Variants in ANAPC11 observed in about 807,000 individuals in gnomAD.
The protein encoded by ANAPC11 is anaphase-promoting complex subunit 11.
In ANAPC11, 5 loss-of-function variants were observed where a neutral mutation model predicts 11.8. The ratio of observed to expected loss-of-function variants is 0.42; its 90% CI spans 0.22 to 0.89. The LOEUF is 0.89. Among genes scored for constraint, ANAPC11 ranks in the 40% least tolerant of loss-of-function variants. The pLI, the probability that ANAPC11 is intolerant of heterozygous loss-of-function variation, is 0.28. For missense variants in ANAPC11, 68 were observed against 112.9 expected (o/e 0.60, Z 1.80); for synonymous variants, 45 against 41.0 (o/e 1.10, Z -0.38).
chr17:81,891,370 C>A (rs2039525959), upstream of ANAPC11: 1 of 1,148,552 alleles, frequency 8.7e-7, no homozygotes, highest in Non-Finnish European at 1.1e-6. Flanking sequence ...CCGGCCGCGC[C>A]GCGGGCGATG....
At chr17:81,893,921 T>C (rs1193536012) in intron 2 of ANAPC11, among the ~76,000 whole-genome samples, 31 of 151,974 alleles carry the variant, frequency 2.0e-4, no homozygotes, top group Admixed American at 2.0e-3. Flanking sequence ...TGTTCTCCCG[T>C]AGCTCCCCTG....
At chr17:81,893,755 C>CAT (rs1555609756) in intron 2 of ANAPC11, 141 bp downstream of exon 2, 1 of 123,800 alleles carries the variant, frequency 8.1e-6, no homozygotes. Context: ...CTTTTTTTTC[C>CAT]TTTTTTTTTT....
At chr17:81,899,075 C>T (rs574438183) in intron 3 of ANAPC11, 10 of 733,294 alleles carry the variant, frequency 1.4e-5, no homozygotes, top group Admixed American at 2.9e-5. Flanking sequence ...AGGGTGGCCA[C>T]GAGCTCCAGC....
intron 3 of ANAPC11, 57 bp from the exon 4 acceptor site, chr17:81,899,861 TCA>T (rs2039882050): frequency 4.5e-6 from 7 of 1,539,506 alleles, no homozygotes; most frequent in African/African-American, 1.4e-5. Flanking sequence ...GCCTGGCTTG[TCA>T]CATGCTCTGT....
At chr17:81,894,917 C>T (rs186165741) in intron 3 of ANAPC11, 774 of 246,378 alleles carry the variant, frequency 3.1e-3, no homozygotes, top group Non-Finnish European at 4.7e-3. Context: ...GGGGTTTTGC[C>T]TTGTTGGCTA....
intron 3 of ANAPC11, 118 bp from the exon 4 acceptor site, chr17:81,899,802 A>C: frequency 9.1e-7 from 1 of 1,096,880 alleles, no homozygotes; most frequent in Non-Finnish European, 1.3e-6. Flanking sequence ...CTGAAACATG[A>C]GAGGCTGCAG....
chr17:81,891,397 T>C (rs555285564), upstream of ANAPC11: 378 of 1,085,732 alleles, frequency 3.5e-4, 9 homozygotes, highest in East Asian at 0.023. Flanking sequence ...CGGTTCCGGA[T>C]GGGCCCGCCG....
intron 3 of ANAPC11, among the ~76,000 whole-genome samples, chr17:81,895,372 A>G (rs1047455463): frequency 6.6e-6 from 1 of 152,058 alleles, no homozygotes; most frequent in African/African-American, 2.4e-5. Context: ...TTTTCATCTC[A>G]TGAAGAAAAG....
chr17:81,891,089 T>C (rs928132080), upstream of ANAPC11: 11 of 669,444 alleles, frequency 1.6e-5, no homozygotes, highest in African/African-American at 1.8e-4. Flanking sequence ...GGCCCCAACG[T>C]CCGGAACAAA....
intron 3 of ANAPC11, among the ~76,000 whole-genome samples, chr17:81,895,027 A>C (rs189217943): frequency 1.8e-3 from 139 of 78,756 alleles, no homozygotes; most frequent in Middle Eastern, 0.01. Context: ...CCACATTTTT[A>C]TTTTCTTTTC....
Position 81,900,169 on chromosome 17 carries a change from C to A in ANAPC11, c.*104C>A. The A allele has an allele frequency of 6.5e-7, 1 of 1,528,688 alleles. No homozygotes were observed. The highest frequency in any genetic ancestry group is 8.9e-7 in the Non-Finnish European group (1 of 1,128,940). The allele number at this position is 1,528,688 out of a possible 1,614,324, so 94.7% of individuals were successfully genotyped here. On this transcript the variant is annotated 3_prime_UTR_variant, in exon 4 of 4. Coordinates refer to ENST00000344877, the MANE Select transcript of ANAPC11 (RefSeq NM_001002248.3). Reference sequence around the variant, plus strand: ...CCCCTGAGCTGCAACAAGGTGGAAACAAGGGCTGGAGCTGCGTTTGTTTTG... The same window carrying A: ...CCCCTGAGCTGCAACAAGGTGGAAAAAAGGGCTGGAGCTGCGTTTGTTTTG...
chr17:81,891,236 C>T (rs1346751008), upstream of ANAPC11: 2 of 1,049,202 alleles, frequency 1.9e-6, no homozygotes, highest in Non-Finnish European at 2.3e-6. Context: ...ATCCACCCGC[C>T]GGCCCGGGTC....
At chr17:81,891,622 G>T (rs1237911708), upstream of ANAPC11, 7 of 1,343,568 alleles carry the variant, frequency 5.2e-6, no homozygotes, top group Admixed American at 6.1e-5. Context: ...CGTCACTTCC[G>T]GCGCCGCGTG....
chr17:81,890,822 T>TG (rs766332043), upstream of ANAPC11: 30 of 1,613,198 alleles, frequency 1.9e-5, 1 homozygote, highest in African/African-American at 3.2e-4. Context: ...TTGTTTTGGC[T>TG]GAAAAAAAAA....
intron 3 of ANAPC11, chr17:81,894,837 C>A (rs890734564): frequency 5.1e-6 from 2 of 394,514 alleles, no homozygotes; most frequent in African/African-American, 4.2e-5. Flanking sequence ...CCTGCCTCAG[C>A]CTTCCAAGCA....
At position 81,893,869 on chromosome 17, in the gene ANAPC11, T is replaced by C. The variant is rs1007809628; in HGVS notation, c.-12+255T>C. On this transcript the variant is annotated intron_variant, in intron 2 of 3. Transcript: ENST00000344877. ...GAGTTGGCCTCCCAGAGTGCTGGGA[T>C]CACAGGTGTGAGCCACAAAGCGGAT... is the stretch of plus-strand genomic sequence containing the variant. 1.1e-4 allele frequency among the ~76,000 whole-genome samples: 17 copies of C among 150,258 alleles called. 1 individual carries two copies. Among genetic ancestry groups the C allele is most frequent in the Admixed American group, 9.4e-4 (14 of 14,898 alleles).
At chr17:81,891,389 G>A (rs1388416518), upstream of ANAPC11, 10 of 1,108,780 alleles carry the variant, frequency 9.0e-6, no homozygotes, top group Non-Finnish European at 1.1e-5. Flanking sequence ...TGGCCGGCCG[G>A]TTCCGGATGG....
chr17:81,897,036 T>C (rs770390771), intron 3 of ANAPC11, among the ~76,000 whole-genome samples: 3 of 152,100 alleles, frequency 2.0e-5, no homozygotes, highest in Admixed American at 6.6e-5. Context: ...AGTCTCACTC[T>C]GTCACCAGGG....
At chr17:81,891,656 G>A (rs1292972428), upstream of ANAPC11, 34 of 1,250,270 alleles carry the variant, frequency 2.7e-5, no homozygotes, top group East Asian at 1.1e-3. Flanking sequence ...CCACGGCCTC[G>A]GAGCGGCTGC....
Sources: gnomAD v4.1 joint callset for allele counts (sites outside exome capture counted in the v4.1 genomes callset) on GRCh38, gnomAD v4.1.1 for gene constraint, MANE v1.5 for transcripts, NCBI Gene and HGNC (gene_info 2026-07-23, HGNC 2026-07-21) for gene names.